ZNF343: variants seen among roughly 807,000 people sequenced by gnomAD.
ZNF343 encodes zinc finger protein 343.
A neutral mutation model predicts 13.8 loss-of-function variants in ZNF343; 11 were observed. That is an observed-to-expected ratio of 0.80 (90% CI 0.50 to 1.32). The LOEUF is 1.32. ZNF343 is among the 40% of genes most tolerant of loss of function. The pLI is 0.00. For missense variants in ZNF343, 658 were observed against 714.2 expected, an observed-to-expected ratio of 0.92 and a Z score of 0.90; for synonymous variants, 248 against 260.0, an observed-to-expected ratio of 0.95 and a Z score of 0.44.
intron 3 of ZNF343, 90 bp from the exon 4 acceptor site, chr20:2,493,667 T>C (rs1040985103): frequency 1.8e-4 from 202 of 1,110,916 alleles, no homozygotes; most frequent in Non-Finnish European, 2.4e-4. Context: ...TTCTGAGCCT[T>C]AGGATGAAGG....
At chr20:2,522,743 G>A (rs1417289022) in intron 1 of ZNF343, among the ~76,000 whole-genome samples, 4 of 152,224 alleles carry the variant, frequency 2.6e-5, no homozygotes, top group African/African-American at 9.6e-5. Context: ...GAGCTCAGGA[G>A]CTCGAGACCA....
At chr20:2,493,271 A>G (rs2085396617) in intron 4 of ZNF343, among the ~76,000 whole-genome samples, 1 of 152,022 alleles carries the variant, frequency 6.6e-6, no homozygotes. Flanking sequence ...TGGATTACAG[A>G]GAAAAATGGG....
chr20:2,496,592 A>C (rs1427152169), intron 2 of ZNF343, among the ~76,000 whole-genome samples: 1 of 152,182 alleles, frequency 6.6e-6, no homozygotes, highest in Non-Finnish European at 1.5e-5. Flanking sequence ...GAGAACAAGG[A>C]GAGAAGCAAG....
chr20:2,493,095 C>A, intron 4 of ZNF343: 1 of 506,294 alleles, frequency 2.0e-6, no homozygotes, highest in Non-Finnish European at 3.5e-6. Flanking sequence ...AATTTGTAAA[C>A]CTCAGGCTGT....
intron 1 of ZNF343, among the ~76,000 whole-genome samples, chr20:2,524,017 C>A (rs989139898): frequency 1.3e-5 from 2 of 150,668 alleles, no homozygotes; most frequent in African/African-American, 4.9e-5. Context: ...TGATTCTGAG[C>A]CTCTTTGAAA....
rs184486177 is a variant in ZNF343 at position 2,504,053 on chromosome 20, T to G, written c.-236-3311A>C. On this transcript the variant is annotated intron_variant, in intron 1 of 5. Transcript: ENST00000278772. Reference sequence around the variant, plus strand: ...TTTTTGAAAAGATCAACAAAATTGATAGACCGCTAGCAAGACTAATAAAGA... The same window carrying G: ...TTTTTGAAAAGATCAACAAAATTGAGAGACCGCTAGCAAGACTAATAAAGA... Among the ~76,000 whole-genome samples, 190 of 152,136 alleles carry G rather than the reference T, an allele frequency of 1.2e-3. 3 individuals are homozygous for G. In the East Asian group the frequency reaches 0.034, roughly 27 times the overall value.
intron 1 of ZNF343, among the ~76,000 whole-genome samples, chr20:2,521,398 G>A (rs971416614): frequency 3.9e-5 from 6 of 152,172 alleles, no homozygotes; most frequent in Non-Finnish European, 7.3e-5. Flanking sequence ...GAAGAATACG[G>A]TGGACTTTTT....
chr20:2,505,655 G>A (rs992866507), intron 1 of ZNF343, among the ~76,000 whole-genome samples: 2 of 152,130 alleles, frequency 1.3e-5, no homozygotes, highest in Non-Finnish European at 2.9e-5. Context: ...ACAACCATCT[G>A]ATCTTTGACA....
At position 2,518,538 on chromosome 20, in the gene ZNF343, C is replaced by T. The variant is rs1182271817; in HGVS notation, c.-347+5917G>A. On this transcript the variant is annotated intron_variant, in intron 1 of 6. Transcript: ENST00000358413. This position sits in a 1 kb window ranked among gnomAD's most constrained non-coding sequence, Gnocchi z 4.6. Reference sequence around the variant, plus strand: ...AAATACACAATAGTACTCACAAGTGCCAGACTCTAACTTCTGATTTCTAAA... The same window carrying T: ...AAATACACAATAGTACTCACAAGTGTCAGACTCTAACTTCTGATTTCTAAA... Among the ~76,000 whole-genome samples the T allele has an allele frequency of 1.3e-5, 2 of 152,156 alleles. No individual in the cohort carries two copies. The highest frequency in any genetic ancestry group is 2.4e-5 in the African/African-American group (1 of 41,418).
chr20:2,499,443 C>T lies in ZNF343; in HGVS notation c.-150+1213G>A, dbSNP rs1450915354. 5.1e-5 allele frequency among the ~76,000 whole-genome samples: 4 copies of T among 78,636 alleles called. 1 individual carries two copies. The highest frequency in any genetic ancestry group is 4.5e-4 in the South Asian group (1 of 2,214). 51.6% of individuals were successfully genotyped at this position (78,636 alleles called of 152,430 possible). A position where few individuals can be genotyped will look rare whatever the true frequency, so the allele number is the denominator to read the frequency against. The stretch of plus-strand genomic sequence containing the variant: ...TCCCGCCACTGCACTCCAGCCTGGG[C>T]GACAGAGCGAGACTCCGTCTCAAAA... On this transcript the variant is annotated intron_variant, in intron 2 of 5. Transcript: ENST00000278772.
rs962471545 is a variant in ZNF343, at chr20:2,493,809, C to T, written c.87G>A (p.Met29Ile). The T allele has an allele frequency of 6.2e-7, 1 of 1,613,946 alleles. No individual in the cohort carries two copies. The highest frequency in any genetic ancestry group is 2.2e-5 in the East Asian group (1 of 44,870). The change falls in exon 3 of 6, where the codon ATG becomes ATA. Residue 29 changes from methionine (M) to isoleucine (I), a missense_variant. Transcript: ENST00000278772. ...LPKNGENVET[M>I]KKLTQNHKAK... ...CTTTATGATTTTGGGTCAATTTCTT[C>T]ATAGTCTCTACATTTTCCCCATTCT...
At chr20:2,523,170 C>A (rs912117629) in intron 1 of ZNF343, among the ~76,000 whole-genome samples, 2 of 152,156 alleles carry the variant, frequency 1.3e-5, no homozygotes, top group Admixed American at 1.3e-4. Flanking sequence ...AAGATGCTCC[C>A]ACCAGCACCA....
intron 1 of ZNF343, among the ~76,000 whole-genome samples, chr20:2,507,879 G>A (rs975383901): frequency 6.6e-5 from 10 of 152,086 alleles, no homozygotes; most frequent in Non-Finnish European, 2.9e-5. Context: ...ACCATATGCC[G>A]GAAGTGATTT....
intron 2 of ZNF343, among the ~76,000 whole-genome samples, chr20:2,499,422 GC>G (rs1413518934): frequency 1.1e-5 from 1 of 88,906 alleles, no homozygotes; most frequent in Non-Finnish European, 2.2e-5. Context: ...CCGAGATCCC[GC>G]CACTGCACTC....
intron 1 of ZNF343, among the ~76,000 whole-genome samples, chr20:2,521,994 T>C (rs932701141): frequency 2.0e-5 from 3 of 152,228 alleles, no homozygotes; most frequent in African/African-American, 7.2e-5. Context: ...GTAAGGTTTG[T>C]TTAAAATGAA....
chr20:2,519,906 AC>A (rs2085775337), intron 1 of ZNF343, among the ~76,000 whole-genome samples: 2 of 152,218 alleles, frequency 1.3e-5, no homozygotes, highest in African/African-American at 4.8e-5. Flanking sequence ...GTTGTAAGTC[AC>A]AAAAAAATAA....
intron 2 of ZNF343, among the ~76,000 whole-genome samples, chr20:2,494,515 T>G (rs1290828905): frequency 6.6e-6 from 1 of 152,074 alleles, no homozygotes; most frequent in Non-Finnish European, 1.5e-5. Context: ...ACACCTGTAA[T>G]CTCAGTACTT....
At chr20:2,497,091 T>C (rs979804126) in intron 2 of ZNF343, among the ~76,000 whole-genome samples, 1 of 58,038 alleles carries the variant, frequency 1.7e-5, no homozygotes, top group South Asian at 5.5e-4. Context: ...AAAAAAAAAA[T>C]TTTACCATCA....
chr20:2,510,641 G>A (rs2085733379), upstream of ZNF343, among the ~76,000 whole-genome samples: 1 of 152,168 alleles, frequency 6.6e-6, no homozygotes, highest in Admixed American at 6.5e-5. Context: ...CCCTTCTCTT[G>A]TCTTGGAGGC....
Sources: allele counts gnomAD v4.1 joint callset (sites outside exome capture counted in the v4.1 genomes callset), GRCh38; gene constraint gnomAD v4.1.1; non-coding constraint Gnocchi (gnomAD v3.1); transcripts MANE v1.5; gene names NCBI Gene and HGNC (gene_info 2026-07-23, HGNC 2026-07-21).